The following UBR4 variants were observed in gnomAD, a reference collection of about 807,000 sequenced individuals.
UBR4 encodes the protein E3 ubiquitin-protein ligase UBR4.
In UBR4, 124 loss-of-function variants were observed where a neutral mutation model predicts 575.6. That is an observed-to-expected ratio of 0.22 (90% CI 0.19 to 0.25). UBR4 has a LOEUF of 0.25. UBR4 is among the 10% of genes least tolerant of loss of function. The probability of loss-of-function intolerance (pLI) is 1.00; values close to 1 mark genes in which losing one functional copy is unlikely to be tolerated. For synonymous variants in UBR4, 2,455 were observed against 2,473.7 expected (o/e 0.99, Z 0.22); for missense variants, 4,818 against 6,478.8 (o/e 0.74, Z 8.80).
intron 82 of UBR4, 46 bp from the exon 83 acceptor site, chr1:19,106,772 T>C: frequency 6.3e-7 from 1 of 1,599,988 alleles, no homozygotes; most frequent in Non-Finnish European, 8.6e-7. Flanking sequence ...TAAATGAGAG[T>C]GACAGAAGGC....
chr1:19,183,991 T>C, intron 16 of UBR4, 25 bp downstream of exon 16: 1 of 1,613,948 alleles, frequency 6.2e-7, no homozygotes, highest in Non-Finnish European at 8.5e-7. Flanking sequence ...AAAAAATCCA[T>C]CAGGCACATA....
At chr1:19,125,014 G>GAA (rs888465812) in intron 64 of UBR4, among the ~76,000 whole-genome samples, 1 of 145,360 alleles carries the variant, frequency 6.9e-6, no homozygotes. Context: ...AAAAAAATTG[G>GAA]AAAAAAAAAA....
In UBR4 at chr1:19,117,655, C is replaced by T. The variant is rs2080699490; in HGVS notation, c.10629+168G>A. ...GGGATTATAGGCTTGAGCCACTGCA[C>T]CCAGCCAAGTTTCTATTTAAGGTAA... On this transcript the variant is annotated intron_variant, in intron 72 of 105. Transcript: ENST00000375254. The surrounding 1 kb of genome is among the most constrained non-coding windows in gnomAD (Gnocchi z 4.0). Among the ~76,000 whole-genome samples, 2 of 152,176 alleles carry T rather than the reference C, an allele frequency of 1.3e-5. No homozygotes were observed. Among genetic ancestry groups the T allele is most frequent in the Non-Finnish European group, 2.9e-5 (2 of 68,036 alleles).
At chr1:19,208,872 T>A (rs1571903733) in intron 1 of UBR4, among the ~76,000 whole-genome samples, 1 of 152,158 alleles carries the variant, frequency 6.6e-6, no homozygotes, top group East Asian at 1.9e-4. Flanking sequence ...ATACTGCCAA[T>A]CCAAATGTTT....
intron 48 of UBR4, chr1:19,151,032 T>C: frequency 1.8e-6 from 1 of 561,604 alleles, no homozygotes; most frequent in South Asian, 2.1e-5. Context: ...TCCCTAACCA[T>C]CACTGCAAGG....
Position 19,128,985 on chromosome 1 carries a change from T to A in UBR4, c.8996A>T (p.Tyr2999Phe). 1 of 1,614,000 alleles carries A rather than the reference T, an allele frequency of 6.2e-7. No homozygotes were observed. Among genetic ancestry groups the A allele is most frequent in the Non-Finnish European group, 8.5e-7 (1 of 1,179,904 alleles). The stretch of plus-strand genomic sequence containing the variant: ...AGGTGAGCTAAGAGATACCTGCATG[T>A]ATGGGATGGCCCGGACACCGCCAAC... Reference protein sequence around the residue: ...RNVGGVRAIPYMQVILMLTTD... With the variant: ...RNVGGVRAIPFMQVILMLTTD... The change falls in exon 61 of 106, where the codon TAC (tyrosine) becomes TTC (phenylalanine). Residue 2999 changes from tyrosine to phenylalanine, a missense_variant. Tyr to Phe is a conservative substitution (Grantham distance 22). Coordinates refer to ENST00000375254, the MANE Select transcript of UBR4 (RefSeq NM_020765.3).
At chr1:19,192,081 TAGGA>T in intron 11 of UBR4, 103 bp downstream of exon 11, 1 of 1,312,484 alleles carries the variant, frequency 7.6e-7, no homozygotes. Flanking sequence ...TCAAGCCAGG[TAGGA>T]AGGCAAATTT....
At chr1:19,091,825 A>G (rs1328160831) in intron 97 of UBR4, among the ~76,000 whole-genome samples, 3 of 152,234 alleles carry the variant, frequency 2.0e-5, no homozygotes, top group Non-Finnish European at 4.4e-5. Context: ...TTTATCCCAG[A>G]AAAATGAAAA....
intron 1 of UBR4, 57 bp downstream of exon 1, chr1:19,210,016 G>A (rs1442423909): frequency 1.4e-6 from 2 of 1,480,318 alleles, no homozygotes; most frequent in Non-Finnish European, 1.8e-6. Context: ...CAGACGATCC[G>A]GCTCGAAATC....
intron 90 of UBR4, among the ~76,000 whole-genome samples, chr1:19,097,970 A>G (rs562046770): frequency 3.2e-4 from 48 of 152,368 alleles, no homozygotes; most frequent in Non-Finnish European, 3.5e-4. Context: ...AAATTGGAGA[A>G]TAAGGAAAGT....
At position 19,187,490 on chromosome 1, in the gene UBR4, T is replaced by C. The variant is rs550288914; in HGVS notation, c.1445A>G (p.Lys482Arg). The change falls in exon 12 of 106, where the codon AAA (lysine) becomes AGA (arginine). Residue 482 changes from lysine (K) to arginine (R), a missense_variant. Lys to Arg is a conservative substitution (Grantham distance 26, BLOSUM62 2). Around this residue, in one of 29 missense-constraint regions of UBR4, gnomAD observed 162 missense variants for 216.4 expected, o/e 0.75. Transcript: ENST00000375254. ...LSVILANHAI[K>R]LLTSLFQDLQ... ...GTCTTGAAAGAGAGACGTTAGCAGT[T>C]TGATGGCATGGTTTGCCAATATTAC... 16 of 1,613,918 alleles carry C rather than the reference T, an allele frequency of 9.9e-6. No individual in the cohort carries two copies. In the Admixed American group the frequency reaches 1.5e-4, roughly 15 times the overall value.
At chr1:19,200,350 C>T (rs1233506679) in intron 2 of UBR4, among the ~76,000 whole-genome samples, 1 of 151,904 alleles carries the variant, frequency 6.6e-6, no homozygotes, top group Non-Finnish European at 1.5e-5. Context: ...TCAAAGCCAT[C>T]ACATGGTCCT....
intron 65 of UBR4, 57 bp from the exon 66 acceptor site, chr1:19,123,117 C>A (rs2081349711): frequency 6.4e-7 from 1 of 1,564,334 alleles, no homozygotes; most frequent in Non-Finnish European, 8.7e-7. Context: ...TCTATATCAA[C>A]TGTGGCTCTC....
chr1:19,159,407 A>G (rs1320177019), intron 39 of UBR4, among the ~76,000 whole-genome samples: 2 of 152,170 alleles, frequency 1.3e-5, no homozygotes, highest in Non-Finnish European at 2.9e-5. Context: ...GAGGACAAAC[A>G]TTATTTTGTA....
intron 103 of UBR4, chr1:19,080,956 T>C (rs940041913): frequency 5.8e-6 from 1 of 172,218 alleles, no homozygotes; most frequent in African/African-American, 2.4e-5. Context: ...AGACGAGTTT[T>C]TAATTATTAG....
Position 19,194,035 on chromosome 1 carries a change from G to A in UBR4, c.1019-478C>T, listed in dbSNP as rs116563794. 5.6e-3 allele frequency among the ~76,000 whole-genome samples: 848 copies of A among 152,250 alleles called. 4 individuals are homozygous for A. The highest frequency in any genetic ancestry group is 9.0e-3 in the Non-Finnish European group (611 of 68,008). On this transcript the variant is annotated intron_variant, in intron 8 of 105. Coordinates refer to ENST00000375254, the MANE Select transcript of UBR4 (RefSeq NM_020765.3). ...GAGATCAGTGGTGTTACCAGGGGTCGAGGGATGGGATAAGGAATGAATAGG... is the reference window on the plus strand; with the variant it reads ...GAGATCAGTGGTGTTACCAGGGGTCAAGGGATGGGATAAGGAATGAATAGG...
rs755746727 is a variant in UBR4 at position 19,164,787 on chromosome 1, T to C, written c.4511+12A>G. 5 of 1,612,538 alleles carry C rather than the reference T, an allele frequency of 3.1e-6. No individual in the cohort carries two copies. The South Asian group carries it at 5.5e-5, about 18-fold the overall frequency. ...TTGCTAGGGAAACACGACAGAAATG[T>C]AGTTGTTCTACCTGTTTTCCCGAAC... is the stretch of plus-strand genomic sequence containing the variant. On this transcript the variant is annotated intron_variant, in intron 32 of 105. Coordinates refer to ENST00000375254, the MANE Select transcript of UBR4 (RefSeq NM_020765.3).
chr1:19,160,055 T>C (rs2087076429), intron 39 of UBR4, 56 bp downstream of exon 39: 1 of 1,579,290 alleles, frequency 6.3e-7, no homozygotes, highest in African/African-American at 1.4e-5. Context: ...TTTTGGGATC[T>C]CAATAAATTT....
At chr1:19,099,539 A>C in intron 90 of UBR4, 58 bp downstream of exon 90, 3 of 1,485,716 alleles carry the variant, frequency 2.0e-6, no homozygotes, top group East Asian at 2.3e-5. Flanking sequence ...TGCTGGTACA[A>C]GTCTGCATAA....
Sources: gnomAD v4.1 joint callset for allele counts (sites outside exome capture counted in the v4.1 genomes callset) on GRCh38, gnomAD v4.1.1 for gene constraint, gnomAD v4.1.1 regional missense constraint, Gnocchi (gnomAD v3.1) non-coding constraint, MANE v1.5 for transcripts, NCBI Gene and HGNC (gene_info 2026-07-23, HGNC 2026-07-21) for gene names.